POLR3C: variants seen among roughly 807,000 people sequenced by gnomAD.
POLR3C encodes the protein RNA polymerase III subunit C.
POLR3C carries 44 observed loss-of-function variants against 65.9 expected under a neutral mutation model. That is an observed-to-expected ratio of 0.67 (90% CI 0.52 to 0.86). POLR3C has a LOEUF of 0.86. Among genes scored for constraint, POLR3C ranks in the 40% least tolerant of loss-of-function variants. The pLI is 0.00. For missense variants in POLR3C, 576 were observed against 653.2 expected, an observed-to-expected ratio of 0.88 and a Z score of 1.29; for synonymous variants, 263 against 231.6, an observed-to-expected ratio of 1.14 and a Z score of -1.23.
chr1:145,832,866 A>G (rs2101643325), intron 5 of POLR3C, among the ~76,000 whole-genome samples: 1 of 152,216 alleles, frequency 6.6e-6, no homozygotes, highest in South Asian at 2.1e-4. Flanking sequence ...TACTAAAAAT[A>G]CAAAAATTAG....
intron 11 of POLR3C, among the ~76,000 whole-genome samples, chr1:145,838,539 T>C (rs1553729490): frequency 6.6e-6 from 1 of 151,464 alleles, no homozygotes; most frequent in African/African-American, 2.4e-5. Context: ...AACAATTAGC[T>C]GGGCCTGGTG....
chr1:145,828,450 A>G (rs1295032334), intron 4 of POLR3C, among the ~76,000 whole-genome samples: 1 of 152,218 alleles, frequency 6.6e-6, no homozygotes, highest in Non-Finnish European at 1.5e-5. Context: ...GAGAGGGTGA[A>G]GGAAACAAGT....
chr1:145,838,983 T>C (rs1008145705), intron 11 of POLR3C, among the ~76,000 whole-genome samples: 6 of 151,976 alleles, frequency 3.9e-5, no homozygotes, highest in Non-Finnish European at 8.8e-5. Context: ...ATAAAAATAA[T>C]ATGGTTGCCA....
chr1:145,838,695 A>AAAAAAAC (rs1320853295), intron 11 of POLR3C, among the ~76,000 whole-genome samples: 2 of 151,700 alleles, frequency 1.3e-5, no homozygotes, highest in African/African-American at 2.4e-5. Context: ...TCAAAAAACA[A>AAAAAAAC]AAAAAACAAA....
chr1:145,829,414 C>T (rs1651102229), intron 5 of POLR3C, among the ~76,000 whole-genome samples: 1 of 152,218 alleles, frequency 6.6e-6, no homozygotes, highest in Admixed American at 6.5e-5. Context: ...AAAATTACCT[C>T]AAATCCAACC....
rs1378834867 is a variant in POLR3C, at chr1:145,838,146, T to C, written c.1161T>C (p.Pro387=). Reference sequence around the variant, plus strand: ...AAGTGGAAGACTTTGCAATGATTCCTGCAAAGGAGGCAAAGGATATGCTAT... The same window carrying C: ...AAGTGGAAGACTTTGCAATGATTCCCGCAAAGGAGGCAAAGGATATGCTAT... ...QKQVEDFAMI[P]AKEAKDMLYK... The change falls in exon 11 of 15, where the codon CCT becomes CCC. Residue 387 remains proline, a synonymous_variant. Transcript: ENST00000334163. The C allele has an allele frequency of 6.2e-7, 1 of 1,613,780 alleles. No individual in the cohort carries two copies. The highest frequency in any genetic ancestry group is 8.5e-7 in the Non-Finnish European group (1 of 1,179,730).
intron 13 of POLR3C, 37 bp downstream of exon 13, chr1:145,840,202 CA>C: frequency 7.5e-7 from 1 of 1,337,138 alleles, no homozygotes; most frequent in Non-Finnish European, 1.1e-6. Context: ...TTACATCTTT[CA>C]AGATCAAGGG....
chr1:145,840,092 C>G (rs373852622), intron 12 of POLR3C, 24 bp from the exon 13 acceptor site: 11 of 1,596,120 alleles, frequency 6.9e-6, no homozygotes, highest in Non-Finnish European at 8.6e-6. Context: ...ATGTGCATTC[C>G]TTGTCTGTCT....
intron 1 of POLR3C, among the ~76,000 whole-genome samples, chr1:145,825,071 C>T (rs181392046): frequency 1.3e-5 from 2 of 151,788 alleles, no homozygotes; most frequent in Admixed American, 6.6e-5. Flanking sequence ...ATTTTTTCAG[C>T]TTGCTTCTGT....
chr1:145,836,916 C>A, intron 9 of POLR3C, 50 bp downstream of exon 9: 1 of 882,638 alleles, frequency 1.1e-6, no homozygotes, highest in South Asian at 1.4e-5. Context: ...ACCTATAAAT[C>A]AGAATGGTGC....
At chr1:145,838,414 G>C (rs1652026868) in intron 11 of POLR3C, among the ~76,000 whole-genome samples, 1 of 152,188 alleles carries the variant, frequency 6.6e-6, no homozygotes, top group Non-Finnish European at 1.5e-5. Flanking sequence ...GGGCACGGTG[G>C]TTCGCGCCTG....
At chr1:145,837,458 T>C in intron 9 of POLR3C, 78 bp from the exon 10 acceptor site, 1 of 693,994 alleles carries the variant, frequency 1.4e-6, no homozygotes, top group Non-Finnish European at 2.4e-6. Context: ...AATTATAAAT[T>C]AGAAACTTAG....
chr1:145,840,974 G>A lies in POLR3C; in HGVS notation c.1426G>A (p.Ala476Thr). ...AGAAGCCATCATTGCATCTATGCAG[G>A]CTACTGGTGCAGAGGAAGCACAGTT... ...RVEAIIASMQ[A>T]TGAEEAQLQE... The change falls in exon 14 of 15, where the codon GCT becomes ACT. Residue 476 changes from alanine to threonine, a missense_variant. Coordinates refer to ENST00000334163, the MANE Select transcript of POLR3C (RefSeq NM_006468.8). 1.2e-6 allele frequency: 2 copies of A among 1,612,602 alleles called. No homozygotes were observed. Among genetic ancestry groups the A allele is most frequent in the African/African-American group, 1.3e-5 (1 of 75,034 alleles).
intron 4 of POLR3C, among the ~76,000 whole-genome samples, chr1:145,828,394 G>A (rs1650966620): frequency 6.6e-6 from 1 of 152,164 alleles, no homozygotes; most frequent in African/African-American, 2.4e-5. Context: ...AAGGATGGGA[G>A]AATGGGGCAA....
chr1:145,826,385 A>G, intron 2 of POLR3C, 69 bp from the exon 3 acceptor site: 2 of 1,466,592 alleles, frequency 1.4e-6, no homozygotes, highest in South Asian at 1.2e-5. Flanking sequence ...GTTGGACAAA[A>G]AATTGCCAGC....
rs144207465 is a variant in POLR3C at position 145,825,869 on chromosome 1, C to T, written c.93C>T (p.Thr31=). ...VEKIGVHLIR[T]GSQPLRVIAH... is the part of the protein sequence containing the mutation. ...AAATTGGAGTCCATCTGATAAGAACCGGCAGCCAGCCACTAAGAGTAATTG... is the reference window on the plus strand; with the variant it reads ...AAATTGGAGTCCATCTGATAAGAACTGGCAGCCAGCCACTAAGAGTAATTG... The change falls in exon 2 of 15, where the codon ACC becomes ACT. Residue 31 remains threonine, a synonymous_variant. Coordinates refer to ENST00000334163, the MANE Select transcript of POLR3C (RefSeq NM_006468.8). 1.8e-5 allele frequency: 29 copies of T among 1,613,320 alleles called. No homozygotes were observed. In the East Asian group the frequency reaches 2.5e-4, roughly 14 times the overall value.
chr1:145,842,596 T>G lies in POLR3C; in HGVS notation c.*176T>G, dbSNP rs587747807. On this transcript the variant is annotated 3_prime_UTR_variant, in exon 15 of 15. Coordinates refer to ENST00000334163, the MANE Select transcript of POLR3C (RefSeq NM_006468.8). ...AATTTGGCATATTTAGATCCATTGCTGTAGTCTCCCCTCATCAAATCTTGG... is the reference window on the plus strand; with the variant it reads ...AATTTGGCATATTTAGATCCATTGCGGTAGTCTCCCCTCATCAAATCTTGG... 179 of 630,872 alleles carry G rather than the reference T, an allele frequency of 2.8e-4. 1 individual carries two copies. In the South Asian group the frequency reaches 3.1e-3, roughly 11 times the overall value. 39.1% of individuals were successfully genotyped at this position (630,872 alleles called of 1,614,324 possible). A position where few individuals can be genotyped will look rare whatever the true frequency, so the allele number is the denominator to read the frequency against.
Position 145,842,577 on chromosome 1 carries a change from G to A in POLR3C, c.*157G>A. ...CCCAGGATACACCTGAAAGAATTTG[G>A]CATATTTAGATCCATTGCTGTAGTC... On this transcript the variant is annotated 3_prime_UTR_variant, in exon 15 of 15. Coordinates refer to ENST00000334163, the MANE Select transcript of POLR3C (RefSeq NM_006468.8). 3.0e-6 allele frequency: 2 copies of A among 661,868 alleles called. No individual in the cohort carries two copies. The highest frequency in any genetic ancestry group is 5.4e-6 in the Non-Finnish European group (2 of 367,432). The allele number at this position is 661,868 out of a possible 1,614,324, so 41.0% of individuals were successfully genotyped here. A position where few individuals can be genotyped will look rare whatever the true frequency, so the allele number is the denominator to read the frequency against.
chr1:145,834,972 C>A (rs781962413), intron 7 of POLR3C, among the ~76,000 whole-genome samples: 1 of 142,304 alleles, frequency 7.0e-6, no homozygotes, highest in Admixed American at 7.3e-5. Flanking sequence ...AGACCCCCGT[C>A]TCTACAAAAA....
Sources: gnomAD v4.1 joint callset for allele counts (sites outside exome capture counted in the v4.1 genomes callset) on GRCh38, gnomAD v4.1.1 for gene constraint, MANE v1.5 for transcripts, NCBI Gene and HGNC (gene_info 2026-07-23, HGNC 2026-07-21) for gene names.